XKR6: variants seen among roughly 807,000 people sequenced by gnomAD.
XKR6 encodes the protein XK-related protein 6.
In XKR6, 22 loss-of-function variants were observed where a neutral mutation model predicts 56.7. The ratio of observed to expected loss-of-function variants is 0.39; its 90% confidence interval spans 0.28 to 0.55. The LOEUF (loss-of-function observed/expected upper bound fraction) is 0.55. XKR6 is among the 20% of genes least tolerant of loss of function. The pLI, the probability that XKR6 is intolerant of heterozygous loss-of-function variation, is 0.66. For synonymous variants in XKR6, 524 were observed against 387.8 expected, an observed-to-expected ratio of 1.35 and a Z score of -4.13; for missense variants, 852 against 889.0, an observed-to-expected ratio of 0.96 and a Z score of 0.53.
intron 1 of XKR6, among the ~76,000 whole-genome samples, chr8:10,957,460 T>C (rs1278344621): frequency 1.3e-5 from 2 of 152,118 alleles, no homozygotes; most frequent in Non-Finnish European, 2.9e-5. Context: ...TTGTGGCCCA[T>C]GGTGTGCCCC....
intron 1 of XKR6, among the ~76,000 whole-genome samples, chr8:10,937,961 T>A (rs1349694788): frequency 2.0e-5 from 3 of 151,176 alleles, no homozygotes; most frequent in Admixed American, 2.0e-4. Context: ...TTTGTTTACC[T>A]AAGCAAGCCT....
At chr8:10,927,778 G>A (rs1332219880) in intron 1 of XKR6, among the ~76,000 whole-genome samples, 2 of 152,172 alleles carry the variant, frequency 1.3e-5, no homozygotes, top group Non-Finnish European at 2.9e-5. Context: ...ACCCCAGGGT[G>A]TGGGAAGAGC....
chr8:11,187,101 T>A (rs1168671976), intron 1 of XKR6, among the ~76,000 whole-genome samples: 1 of 152,204 alleles, frequency 6.6e-6, no homozygotes, highest in Non-Finnish European at 1.5e-5. Context: ...ATGATTTATT[T>A]AAAACCTCAC....
In XKR6 at chr8:11,010,263, A is replaced by T. The variant is rs79761975; in HGVS notation, c.765-85433T>A. 7.4e-3 allele frequency among the ~76,000 whole-genome samples: 1,129 copies of T among 152,262 alleles called. 12 individuals carry two copies. The highest frequency in any genetic ancestry group is 0.026 in the African/African-American group (1,089 of 41,546). ...ACTGGCAAGGGGGAAGTCCACCCCCATGATCCAATAACCTCCCACCGGGCC... is the reference window on the plus strand; with the variant it reads ...ACTGGCAAGGGGGAAGTCCACCCCCTTGATCCAATAACCTCCCACCGGGCC... On this transcript the variant is annotated intron_variant, in intron 1 of 2. Coordinates refer to ENST00000416569, the MANE Select transcript of XKR6 (RefSeq NM_173683.4).
rs575004117 is a variant in XKR6, at chr8:11,130,537, G to C, written c.764+70039C>G. 2.6e-5 allele frequency among the ~76,000 whole-genome samples: 4 copies of C among 151,828 alleles called. No homozygotes were observed. The South Asian group carries it at 8.3e-4, about 32-fold the overall frequency. Reference sequence around the variant, plus strand: ...TAAAAGTCTGCACCCAAGTGCCGTAGTCTCTGTAGACTTCCTTAGGCTAAA... The same window carrying C: ...TAAAAGTCTGCACCCAAGTGCCGTACTCTCTGTAGACTTCCTTAGGCTAAA... On this transcript the variant is annotated intron_variant, in intron 1 of 2. Transcript: ENST00000416569.
chr8:11,114,701 A>G (rs1445300459), intron 1 of XKR6, among the ~76,000 whole-genome samples: 3 of 149,824 alleles, frequency 2.0e-5, no homozygotes, highest in Non-Finnish European at 4.4e-5. Flanking sequence ...ACAATATTTT[A>G]ATGAAGTCAG....
chr8:10,986,811 G>A (rs944384666), intron 1 of XKR6, among the ~76,000 whole-genome samples: 1 of 151,098 alleles, frequency 6.6e-6, no homozygotes, highest in African/African-American at 2.4e-5. Context: ...AAGAGATAGG[G>A]TTGACACTGC....
intron 1 of XKR6, among the ~76,000 whole-genome samples, chr8:11,112,244 A>G (rs1178051242): frequency 1.3e-5 from 2 of 152,230 alleles, no homozygotes; most frequent in Non-Finnish European, 2.9e-5. Flanking sequence ...ATGCATAACT[A>G]AAATTATAGA....
intron 1 of XKR6, among the ~76,000 whole-genome samples, chr8:10,992,261 T>C (rs376590416): frequency 6.8e-6 from 1 of 147,666 alleles, no homozygotes; most frequent in South Asian, 2.1e-4. Context: ...ACTCTCTCTC[T>C]CTGTCTCTCT....
intron 1 of XKR6, among the ~76,000 whole-genome samples, chr8:11,112,887 T>G (rs1413253780): frequency 1.3e-5 from 2 of 152,216 alleles, no homozygotes; most frequent in Non-Finnish European, 2.9e-5. Context: ...ATTTTATAAA[T>G]GTTAAATCAC....
At chr8:10,919,214 T>A (rs1800645664) in intron 2 of XKR6, among the ~76,000 whole-genome samples, 1 of 152,220 alleles carries the variant, frequency 6.6e-6, no homozygotes, top group Non-Finnish European at 1.5e-5. Flanking sequence ...TTGTGCAAGC[T>A]ACTCCCATTG....
intron 1 of XKR6, among the ~76,000 whole-genome samples, chr8:11,160,615 A>G (rs192769077): frequency 6.6e-6 from 1 of 152,302 alleles, no homozygotes; most frequent in East Asian, 1.9e-4. Context: ...GATGCCTTAA[A>G]AAATGGTTCA....
intron 1 of XKR6, among the ~76,000 whole-genome samples, chr8:10,962,702 T>G (rs925844104): frequency 1.1e-4 from 16 of 152,258 alleles, no homozygotes; most frequent in Non-Finnish European, 1.5e-4. Flanking sequence ...CTCAGCTCAT[T>G]GCAACCTCTG....
intron 1 of XKR6, among the ~76,000 whole-genome samples, chr8:10,943,563 T>A (rs1247880257): frequency 1.3e-5 from 2 of 152,098 alleles, no homozygotes. Flanking sequence ...CCCCGCCACA[T>A]GCCTGCTCCT....
intron 1 of XKR6, among the ~76,000 whole-genome samples, chr8:11,041,283 C>T (rs1305746568): frequency 2.0e-5 from 3 of 152,118 alleles, no homozygotes; most frequent in East Asian, 1.9e-4. Flanking sequence ...TCAGGCCGGG[C>T]GCGGTGGCTC....
intron 1 of XKR6, among the ~76,000 whole-genome samples, chr8:10,940,671 C>T (rs1170783359): frequency 2.0e-5 from 3 of 152,192 alleles, no homozygotes; most frequent in Non-Finnish European, 4.4e-5. Context: ...TCACCAGTGG[C>T]TTCTCCCCAC....
intron 1 of XKR6, among the ~76,000 whole-genome samples, chr8:11,123,132 G>A (rs1274959935): frequency 6.6e-6 from 1 of 151,696 alleles, no homozygotes; most frequent in Non-Finnish European, 1.5e-5. Flanking sequence ...AGCTACTCGG[G>A]AGGCTGAGGC....
intron 1 of XKR6, among the ~76,000 whole-genome samples, chr8:10,947,864 A>G (rs1801598214): frequency 6.6e-6 from 1 of 152,206 alleles, no homozygotes; most frequent in Admixed American, 6.5e-5. Context: ...ACACAGGTGT[A>G]GGGACCCAAG....
intron 1 of XKR6, among the ~76,000 whole-genome samples, chr8:10,967,740 G>A (rs190243596): frequency 6.6e-6 from 1 of 152,334 alleles, no homozygotes; most frequent in East Asian, 1.9e-4. Flanking sequence ...CAGGGCAAAG[G>A]ACCTACAGCG....
Sources: gnomAD v4.1 joint callset for allele counts (sites outside exome capture counted in the v4.1 genomes callset) on GRCh38, gnomAD v4.1.1 for gene constraint, MANE v1.5 for transcripts, NCBI Gene and HGNC (gene_info 2026-07-23, HGNC 2026-07-21) for gene names.